EMCN: variants seen among roughly 807,000 people sequenced by gnomAD.
The protein encoded by EMCN is MUC-14.
In EMCN, 37 loss-of-function variants were observed where a neutral mutation model predicts 38.4. The ratio of observed to expected loss-of-function variants is 0.96; its 90% CI spans 0.74 to 1.27. EMCN has a LOEUF of 1.27. EMCN is among the 50% of genes most tolerant of loss of function. The pLI is 0.00. For missense variants in EMCN, 318 were observed against 302.8 expected (o/e 1.05, Z -0.37); for synonymous variants, 95 against 100.8 (o/e 0.94, Z 0.35).
chr4:100,458,602 A>G (rs1728082059), intron 4 of EMCN, among the ~76,000 whole-genome samples: 1 of 152,150 alleles, frequency 6.6e-6, no homozygotes, highest in African/African-American at 2.4e-5. Flanking sequence ...CTATAAATTC[A>G]GTTAACATAG....
intron 1 of EMCN, among the ~76,000 whole-genome samples, chr4:100,504,664 T>C (rs1277291635): frequency 6.6e-6 from 1 of 152,232 alleles, no homozygotes; most frequent in Non-Finnish European, 1.5e-5. Context: ...ACCGGAGGGC[T>C]CCTTGGTCTA....
intron 1 of EMCN, among the ~76,000 whole-genome samples, chr4:100,504,375 C>T (rs750582408): frequency 2.6e-5 from 4 of 152,128 alleles, no homozygotes; most frequent in Non-Finnish European, 5.9e-5. Flanking sequence ...GCCATCCAGG[C>T]GCTGAGGCAA....
chr4:100,488,616 T>C, intron 1 of EMCN, among the ~76,000 whole-genome samples: 1 of 152,192 alleles, frequency 6.6e-6, no homozygotes, highest in East Asian at 1.9e-4. Context: ...GTTAGCTAAT[T>C]CCCTTTTAAA....
chr4:100,446,040 C>A, intron 5 of EMCN: 1 of 983,536 alleles, frequency 1.0e-6, no homozygotes, highest in South Asian at 4.7e-5. Context: ...TTTATTTAAA[C>A]AAAATGAAGG....
chr4:100,407,347 A>G (rs751887718), intron 11 of EMCN, among the ~76,000 whole-genome samples: 2 of 152,162 alleles, frequency 1.3e-5, no homozygotes, highest in Non-Finnish European at 2.9e-5. Context: ...GTGTTTTTGT[A>G]GTAGCCAGTA....
chr4:100,442,538 A>T (rs1416769959), intron 5 of EMCN, among the ~76,000 whole-genome samples: 1 of 146,746 alleles, frequency 6.8e-6, no homozygotes, highest in Non-Finnish European at 1.5e-5. Flanking sequence ...ATGGTGTTCC[A>T]TAAGTCTTGT....
intron 1 of EMCN, among the ~76,000 whole-genome samples, chr4:100,507,769 G>T (rs1729521434): frequency 6.6e-6 from 1 of 151,982 alleles, no homozygotes; most frequent in South Asian, 2.1e-4. Flanking sequence ...TCCGGATGTT[G>T]GTTTCTGTCC....
intron 1 of EMCN, among the ~76,000 whole-genome samples, chr4:100,491,596 C>A (rs1046291607): frequency 6.6e-6 from 1 of 152,186 alleles, no homozygotes; most frequent in Non-Finnish European, 1.5e-5. Context: ...CTCCACCTAA[C>A]CTTAGGGCCC....
intron 4 of EMCN, among the ~76,000 whole-genome samples, chr4:100,453,259 T>C (rs953383738): frequency 2.6e-5 from 4 of 151,964 alleles, no homozygotes; most frequent in Admixed American, 2.6e-4. Flanking sequence ...AGAAAATTTT[T>C]GCAACCTACT....
At position 100,428,453 on chromosome 4, in the gene EMCN, C is replaced by T. The variant is rs184956487; in HGVS notation, c.416-5049G>A. ...GCTGCACATTTTCTCTTTCTCAGAGCACTTATGCCTTTTAACTTACTATAT... is the reference window on the plus strand; with the variant it reads ...GCTGCACATTTTCTCTTTCTCAGAGTACTTATGCCTTTTAACTTACTATAT... On this transcript the variant is annotated intron_variant, in intron 5 of 11. Transcript: ENST00000296420. Among the ~76,000 whole-genome samples the T allele has an allele frequency of 4.1e-3, 631 of 152,244 alleles. 1 individual carries two copies. Among genetic ancestry groups the T allele is most frequent in the Non-Finnish European group, 7.9e-3 (535 of 68,010 alleles).
chr4:100,508,491 C>T (rs1327750412), intron 1 of EMCN, among the ~76,000 whole-genome samples: 1 of 152,066 alleles, frequency 6.6e-6, no homozygotes, highest in Non-Finnish European at 1.5e-5. Context: ...ATGTCAATTG[C>T]ACAAAGGGCG....
chr4:100,494,056 C>T lies in EMCN; in HGVS notation c.65-14017G>A, dbSNP rs188139503. Among the ~76,000 whole-genome samples, 233 of 152,276 alleles carry T rather than the reference C, an allele frequency of 1.5e-3. 3 individuals carry two copies. The highest frequency in any genetic ancestry group is 1.8e-3 in the Non-Finnish European group (122 of 68,012). ...TTTTCCTTTTCCAAATCTGTTCCCC[C>T]AGTTTCTCCACATTGGATGTGGAAA... On this transcript the variant is annotated intron_variant, in intron 1 of 11. Coordinates refer to ENST00000296420, the MANE Select transcript of EMCN (RefSeq NM_016242.4).
intron 1 of EMCN, among the ~76,000 whole-genome samples, 159 bp downstream of exon 1, chr4:100,517,692 C>T (rs1729794658): frequency 6.6e-6 from 1 of 152,072 alleles, no homozygotes; most frequent in Non-Finnish European, 1.5e-5. Flanking sequence ...CTCTCTCAAG[C>T]CTTCTCCACG....
chr4:100,432,757 A>T (rs959222442), intron 5 of EMCN, among the ~76,000 whole-genome samples: 2 of 152,176 alleles, frequency 1.3e-5, no homozygotes, highest in African/African-American at 4.8e-5. Context: ...AGATGTCTTT[A>T]GATCTTGATT....
At chr4:100,416,526 T>G (rs1034930721) in intron 9 of EMCN, among the ~76,000 whole-genome samples, 2 of 152,312 alleles carry the variant, frequency 1.3e-5, no homozygotes, top group Admixed American at 6.5e-5. Context: ...CTAAGTCATA[T>G]GAATAGTAAT....
intron 11 of EMCN, among the ~76,000 whole-genome samples, chr4:100,399,369 G>A (rs1020117174): frequency 1.3e-5 from 2 of 151,992 alleles, no homozygotes; most frequent in South Asian, 2.1e-4. Flanking sequence ...TGTGGGGAGT[G>A]GTACAAGTGG....
chr4:100,445,982 G>C (rs1387392081), intron 5 of EMCN: 1 of 814,906 alleles, frequency 1.2e-6, no homozygotes, highest in Non-Finnish European at 1.5e-6. Flanking sequence ...ATGAGCTTTT[G>C]TTCCACAAAA....
rs1387421527 is a variant in EMCN, at chr4:100,475,076, A to G, written c.221T>C (p.Leu74Pro). Residue 74 changes from leucine to proline, a missense_variant, in exon 3 of 12, where the codon CTG becomes CCG. Leu to Pro is a moderately conservative substitution (Grantham distance 98). Transcript: ENST00000296420. Reference protein sequence around the residue: ...TITNELLKMSLMSTATFLTSK... With the variant: ...TITNELLKMSPMSTATFLTSK... ...TGTTAAAAAAGTAGCTGTTGACATC[A>G]GAGACATTTTAAGTAATTCATTGGT... The G allele has an allele frequency of 4.5e-6, 7 of 1,543,472 alleles. No individual in the cohort carries two copies. The highest frequency in any genetic ancestry group is 6.2e-6 in the Non-Finnish European group (7 of 1,134,528).
At chr4:100,436,506 A>T (rs1727356588) in intron 5 of EMCN, among the ~76,000 whole-genome samples, 1 of 152,206 alleles carries the variant, frequency 6.6e-6, no homozygotes, top group Admixed American at 6.5e-5. Flanking sequence ...CAATCCCATT[A>T]TTGGATATAT....
Sources: gnomAD v4.1 joint callset for allele counts (sites outside exome capture counted in the v4.1 genomes callset) on GRCh38, gnomAD v4.1.1 for gene constraint, MANE v1.5 for transcripts, NCBI Gene and HGNC (gene_info 2026-07-23, HGNC 2026-07-21) for gene names.